Variants in GALNT17 observed in about 807,000 individuals in gnomAD.
GALNT17 encodes the protein polypeptide N-acetylgalactosaminyltransferase 17.
In GALNT17, 29 loss-of-function variants were observed where a neutral mutation model predicts 63.7. That is an observed-to-expected ratio of 0.46 (90% CI 0.34 to 0.62). GALNT17 has a LOEUF of 0.62. Among genes scored for constraint, GALNT17 ranks in the 20% least tolerant of loss-of-function variants. The probability of loss-of-function intolerance (pLI) is 0.01; values close to 1 mark genes in which losing one functional copy is unlikely to be tolerated. For synonymous variants in GALNT17, 305 were observed against 318.3 expected (o/e 0.96, Z 0.45); for missense variants, 603 against 799.6 (o/e 0.75, Z 2.97).
At chr7:71,190,382 G>C (rs1405254850) in intron 1 of GALNT17, among the ~76,000 whole-genome samples, 1 of 151,954 alleles carries the variant, frequency 6.6e-6, no homozygotes, top group Non-Finnish European at 1.5e-5. Context: ...AAAGTATATG[G>C]CACCTCCCCC....
At chr7:71,569,388 C>T (rs568130135) in intron 5 of GALNT17, among the ~76,000 whole-genome samples, 1 of 152,240 alleles carries the variant, frequency 6.6e-6, no homozygotes, top group South Asian at 2.1e-4. Context: ...AAATTGTGAA[C>T]AGAGTACCCA....
intron 8 of GALNT17, among the ~76,000 whole-genome samples, chr7:71,671,010 T>A (rs138474266): frequency 2.6e-5 from 4 of 152,274 alleles, no homozygotes; most frequent in African/African-American, 9.6e-5. Flanking sequence ...GAAATTTTAC[T>A]CAATAATATG....
chr7:71,378,582 A>T (rs1792786673), intron 2 of GALNT17, among the ~76,000 whole-genome samples: 1 of 152,162 alleles, frequency 6.6e-6, no homozygotes, highest in African/African-American at 2.4e-5. Flanking sequence ...GAAATAAGTG[A>T]TGCCTTTGAT....
At chr7:71,692,610 C>T (rs1791471586) in intron 9 of GALNT17, among the ~76,000 whole-genome samples, 1 of 152,050 alleles carries the variant, frequency 6.6e-6, no homozygotes, top group Non-Finnish European at 1.5e-5. Context: ...TGATTATTTT[C>T]AGTAAGTTCA....
intron 5 of GALNT17, among the ~76,000 whole-genome samples, chr7:71,459,097 T>TA (rs148577765): frequency 1.9e-3 from 275 of 147,618 alleles, no homozygotes; most frequent in Middle Eastern, 3.4e-3. Context: ...GGATATTGCT[T>TA]AAAAAAAAAA....
chr7:71,673,336 A>G (rs1286916137), intron 8 of GALNT17, among the ~76,000 whole-genome samples: 1 of 152,206 alleles, frequency 6.6e-6, no homozygotes, highest in Non-Finnish European at 1.5e-5. Flanking sequence ...GATATTTTAT[A>G]GCTGTTATAA....
chr7:71,480,606 A>C (rs139919658), intron 5 of GALNT17, among the ~76,000 whole-genome samples: 2,983 of 152,268 alleles, frequency 0.02, 40 homozygotes, highest in African/African-American at 0.029. Flanking sequence ...TTCCAGGTTC[A>C]AGCGATTCAC....
chr7:71,645,457 G>A (rs533709189), intron 6 of GALNT17, among the ~76,000 whole-genome samples: 4 of 152,138 alleles, frequency 2.6e-5, no homozygotes, highest in Non-Finnish European at 5.9e-5. Context: ...GCTGCCTTGT[G>A]AAGAAGTGCC....
At chr7:71,554,085 C>T (rs1294846568) in intron 5 of GALNT17, among the ~76,000 whole-genome samples, 1 of 152,252 alleles carries the variant, frequency 6.6e-6, no homozygotes, top group African/African-American at 2.4e-5. Context: ...GATATCCACC[C>T]AGTGGGTACC....
chr7:71,439,492 G>A (rs940782383), intron 5 of GALNT17, among the ~76,000 whole-genome samples: 4 of 152,136 alleles, frequency 2.6e-5, no homozygotes, highest in Admixed American at 6.5e-5. Context: ...AGCAACATTA[G>A]CAACGTAAAC....
At chr7:71,266,911 C>A (rs1382667374) in intron 1 of GALNT17, among the ~76,000 whole-genome samples, 1 of 152,050 alleles carries the variant, frequency 6.6e-6, no homozygotes, top group African/African-American at 2.4e-5. Flanking sequence ...GGCTGAAGAC[C>A]CAGGAGGCAT....
intron 1 of GALNT17, among the ~76,000 whole-genome samples, chr7:71,287,132 C>T (rs1005394292): frequency 6.6e-6 from 1 of 152,098 alleles, no homozygotes; most frequent in Non-Finnish European, 1.5e-5. Context: ...CTCTGTTGCT[C>T]AGGCTGGAGT....
At chr7:71,414,015 G>T (rs944399583) in intron 3 of GALNT17, among the ~76,000 whole-genome samples, 1 of 152,102 alleles carries the variant, frequency 6.6e-6, no homozygotes. Context: ...GCTGAGGTGG[G>T]TGGATCACCT....
In GALNT17 at chr7:71,144,227, C is replaced by G. The variant is rs146552272; in HGVS notation, c.238+11187C>G. 5.2e-3 allele frequency among the ~76,000 whole-genome samples: 794 copies of G among 152,188 alleles called. 10 individuals carry two copies. The highest frequency in any genetic ancestry group is 0.018 in the African/African-American group (757 of 41,524). ...TCCATATCTGGCCTGGGGAGTCCGT[C>G]AGAAATCCCCTTGTCAGCTCCTCGA... On this transcript the variant is annotated intron_variant, in intron 1 of 10. Transcript: ENST00000333538.
At chr7:71,519,758 C>T (rs1584021209) in intron 5 of GALNT17, among the ~76,000 whole-genome samples, 1 of 152,036 alleles carries the variant, frequency 6.6e-6, no homozygotes, top group East Asian at 1.9e-4. Context: ...GCCACCGTGC[C>T]CAGCCTAGTA....
intron 3 of GALNT17, among the ~76,000 whole-genome samples, chr7:71,398,774 A>C (rs1360566448): frequency 6.6e-6 from 1 of 152,376 alleles, no homozygotes; most frequent in Admixed American, 6.5e-5. Flanking sequence ...GCACAATAAT[A>C]GGTATGTACC....
Position 71,292,703 on chromosome 7 carries a change from GTGTGTGTGTT to G in GALNT17, c.239-42846_239-42837del, listed in dbSNP as rs1426079734. Among the ~76,000 whole-genome samples, 447 of 143,534 alleles carry G rather than the reference GTGTGTGTGTT, an allele frequency of 3.1e-3. 1 individual carries two copies. The highest frequency in any genetic ancestry group is 5.7e-3 in the Non-Finnish European group (368 of 64,152). The allele number at this position is 143,534 out of a possible 152,430, so 94.2% of individuals were successfully genotyped here. A position where few individuals can be genotyped will look rare whatever the true frequency, so the allele number is the denominator to read the frequency against. On this transcript the variant is annotated intron_variant, in intron 1 of 10. Coordinates refer to ENST00000333538, the MANE Select transcript of GALNT17 (RefSeq NM_022479.3). ...TGTGTGTGTGTGTGTGTGTGTGTGT[GTGTGTGTGTT>G]GGGCAGATTTAAGATCTATCCTCTT...
chr7:71,357,054 G>T (rs1792300078), intron 2 of GALNT17, among the ~76,000 whole-genome samples: 2 of 152,138 alleles, frequency 1.3e-5, no homozygotes, highest in African/African-American at 4.8e-5. Flanking sequence ...CCAAAGTGCT[G>T]GGATTCCAGC....
At chr7:71,256,096 T>C (rs764103817) in intron 1 of GALNT17, among the ~76,000 whole-genome samples, 1 of 152,206 alleles carries the variant, frequency 6.6e-6, no homozygotes, top group African/African-American at 2.4e-5. Context: ...CCACAACTCC[T>C]TATCACAACC....
Sources: allele counts gnomAD v4.1 joint callset (sites outside exome capture counted in the v4.1 genomes callset), GRCh38; gene constraint gnomAD v4.1.1; transcripts MANE v1.5; gene names NCBI Gene and HGNC (gene_info 2026-07-23, HGNC 2026-07-21).